The following SLC38A8 variants were observed in gnomAD, a reference collection of about 807,000 sequenced individuals.
SLC38A8 encodes amino acid transporter SLC38A8.
In SLC38A8, 65 loss-of-function variants were observed where a neutral mutation model predicts 46.0. The observed-to-expected ratio is 1.41, with a 90% CI of 1.16 to 1.74. The LOEUF (loss-of-function observed/expected upper bound fraction) is 1.74, where lower values mean the gene tolerates loss of function less well. Among genes scored for constraint, SLC38A8 ranks in the 40% most tolerant of loss-of-function variants. SLC38A8 has a pLI of 0.00. For synonymous variants in SLC38A8, 447 were observed against 243.7 expected (o/e 1.83, Z -7.77); for missense variants, 998 against 567.9 (o/e 1.76, Z -7.70).
Position 84,012,995 on chromosome 16 carries a change from A to C in SLC38A8, c.1214+6T>G. ...CAGGGTGCCACCTCATCTTAGGGAC[A>C]CTTACTTGACTCTTGGTCCTATAGG... is the stretch of plus-strand genomic sequence containing the variant. On this transcript the variant is annotated splice_donor_region_variant and intron_variant, in intron 10 of 10. Transcript: ENST00000299709. 6.2e-7 allele frequency: 1 copy of C among 1,614,090 alleles called. No homozygotes were observed. Among genetic ancestry groups the C allele is most frequent in the Non-Finnish European group, 8.5e-7 (1 of 1,179,958 alleles).
At chr16:84,013,926 G>A (rs7200051) in intron 9 of SLC38A8, among the ~76,000 whole-genome samples, 7,307 of 152,256 alleles carry the variant, frequency 0.048, 214 homozygotes, top group South Asian at 0.1. Flanking sequence ...GGAGTGTGAG[G>A]GAGGAGCCAC....
At chr16:84,020,200 G>A (rs986211682) in intron 7 of SLC38A8, among the ~76,000 whole-genome samples, 2 of 151,548 alleles carry the variant, frequency 1.3e-5, no homozygotes, top group Admixed American at 6.6e-5. Context: ...GAGGGCGGTG[G>A]CACAATCACA....
At chr16:84,040,710 T>C (rs2085357552) in intron 2 of SLC38A8, among the ~76,000 whole-genome samples, 1 of 152,112 alleles carries the variant, frequency 6.6e-6, no homozygotes, top group Admixed American at 6.5e-5. Context: ...CCAGTGGGGC[T>C]CAGCGCAAAG....
At chr16:84,016,137 G>T (rs976610011) in intron 9 of SLC38A8, among the ~76,000 whole-genome samples, 5 of 152,076 alleles carry the variant, frequency 3.3e-5, no homozygotes, top group Admixed American at 2.0e-4. Flanking sequence ...GGCGGGGGGG[G>T]ACCCCCACTT....
chr16:84,036,980 T>A, intron 2 of SLC38A8, 80 bp from the exon 3 acceptor site: 1 of 1,345,044 alleles, frequency 7.4e-7, no homozygotes, highest in Non-Finnish European at 1.0e-6. Context: ...TCGGGCACAC[T>A]CTCCACATGG....
At chr16:84,041,400 C>T in intron 2 of SLC38A8, 1 of 153,136 alleles carries the variant, frequency 6.5e-6, no homozygotes, top group Non-Finnish European at 1.5e-5. Flanking sequence ...GCAACCTCCG[C>T]CTCCCAGGTT....
At chr16:84,033,186 C>G in intron 4 of SLC38A8, 142 bp downstream of exon 4, 1 of 1,108,970 alleles carries the variant, frequency 9.0e-7, no homozygotes, top group Non-Finnish European at 1.3e-6. Context: ...ATACATTTTA[C>G]TTGTATAATT....
intron 6 of SLC38A8, among the ~76,000 whole-genome samples, chr16:84,025,254 C>A (rs1348279473): frequency 6.6e-6 from 1 of 152,212 alleles, no homozygotes; most frequent in African/African-American, 2.4e-5. Flanking sequence ...CTGGCCAAAA[C>A]CAAACGTGCC....
At chr16:84,029,448 C>G in intron 6 of SLC38A8, 46 bp downstream of exon 6, 1 of 1,602,838 alleles carries the variant, frequency 6.2e-7, no homozygotes, top group Non-Finnish European at 8.5e-7. Context: ...GAGTCACCCA[C>G]AGCCTCTGCA....
chr16:84,019,382 T>A (rs1287668121), intron 7 of SLC38A8, among the ~76,000 whole-genome samples: 2 of 152,074 alleles, frequency 1.3e-5, no homozygotes, highest in Non-Finnish European at 2.9e-5. Flanking sequence ...CCTCCAATAT[T>A]TTTAACCCGA....
intron 7 of SLC38A8, among the ~76,000 whole-genome samples, chr16:84,022,033 G>A (rs958023287): frequency 6.6e-6 from 1 of 152,188 alleles, no homozygotes; most frequent in East Asian, 1.9e-4. Context: ...TGAGGGCAGA[G>A]GCCTCATGCC....
intron 7 of SLC38A8, among the ~76,000 whole-genome samples, chr16:84,018,885 T>G (rs2085063232): frequency 6.6e-6 from 1 of 152,142 alleles, no homozygotes; most frequent in South Asian, 2.1e-4. Context: ...GGTATAAAAC[T>G]AGCAGAAGCT....
At chr16:84,023,688 G>C (rs542694824) in intron 6 of SLC38A8, among the ~76,000 whole-genome samples, 15 of 148,208 alleles carry the variant, frequency 1.0e-4, no homozygotes, top group Non-Finnish European at 1.8e-4. Context: ...GAGGTCAGGA[G>C]TTTGAGACCA....
At chr16:84,031,814 C>G in intron 5 of SLC38A8, 53 bp downstream of exon 5, 1 of 1,487,718 alleles carries the variant, frequency 6.7e-7, no homozygotes, top group African/African-American at 1.4e-5. Flanking sequence ...CTCACAGACT[C>G]CCCTGCCGTG....
intron 5 of SLC38A8, 35 bp downstream of exon 5, chr16:84,031,832 G>T (rs369212881): frequency 5.7e-6 from 9 of 1,590,202 alleles, no homozygotes; most frequent in Non-Finnish European, 4.3e-6. Flanking sequence ...GTGCCTCCCC[G>T]CCGAGGCTGC....
intron 2 of SLC38A8, among the ~76,000 whole-genome samples, chr16:84,037,400 G>A (rs940109535): frequency 1.1e-5 from 1 of 87,742 alleles, no homozygotes; most frequent in African/African-American, 4.3e-5. Flanking sequence ...TTGCAGGGGT[G>A]CTGCTATGAC....
At chr16:84,040,237 A>G (rs1044837337) in intron 2 of SLC38A8, among the ~76,000 whole-genome samples, 13 of 152,168 alleles carry the variant, frequency 8.5e-5, no homozygotes, top group African/African-American at 2.9e-4. Flanking sequence ...CTGGAGGCTA[A>G]AAGGAACAAC....
In SLC38A8 at chr16:84,009,818, T is replaced by C. The variant is rs2084933890; in HGVS notation, c.1274A>G (p.Gln425Arg). 2 of 1,613,958 alleles carry C rather than the reference T, an allele frequency of 1.2e-6. No homozygotes were observed. The highest frequency in any genetic ancestry group is 1.7e-5 in the Admixed American group (1 of 59,970). Reference protein sequence around the residue: ...SVLVGTFIFGQSTAAAVWEMF With the variant: ...SVLVGTFIFGRSTAAAVWEMF ...CTCCCAGACCGCTGCCGCCGTGCTC[T>C]GCCCAAAGATGAAGGTGCCGACCAG... Residue 425 changes from glutamine to arginine, a missense_variant, in exon 11 of 11, where the codon CAG (glutamine) becomes CGG (arginine). Gln to Arg is a conservative substitution (Grantham distance 43). Transcript: ENST00000299709.
chr16:84,017,041 T>C (rs9940715), intron 8 of SLC38A8, 99 bp downstream of exon 8: 3 of 1,476,326 alleles, frequency 2.0e-6, no homozygotes, highest in South Asian at 2.6e-5. Flanking sequence ...GAGAGGATGG[T>C]AGTCCCACAG....
Sources: allele counts gnomAD v4.1 joint callset (sites outside exome capture counted in the v4.1 genomes callset), GRCh38; gene constraint gnomAD v4.1.1; transcripts MANE v1.5; gene names NCBI Gene and HGNC (gene_info 2026-07-23, HGNC 2026-07-21).